EIF3I: variants seen among roughly 807,000 people sequenced by gnomAD.
EIF3I encodes the protein eukaryotic translation initiation factor 3 subunit I, also known as TGF-beta receptor-interacting protein 1.
In EIF3I, 20 loss-of-function variants were observed where a neutral mutation model predicts 43.3. The ratio of observed to expected loss-of-function variants is 0.46; its 90% confidence interval spans 0.32 to 0.67. EIF3I has a LOEUF of 0.67. EIF3I is among the 30% of genes least tolerant of loss of function. The pLI, the probability that EIF3I is intolerant of heterozygous loss-of-function variation, is 0.03. For synonymous variants in EIF3I, 167 were observed against 151.7 expected (o/e 1.10, Z -0.74); for missense variants, 279 against 421.4 (o/e 0.66, Z 2.96).
In EIF3I at chr1:32,224,401, A is replaced by G. The variant is rs1201680027; in HGVS notation, c.185-9A>G. ...GTGAACTTCGTCATATTTCTTAACA[A>G]CTCTTCAGGGGACACCAAGCATGTC... On this transcript the variant is annotated splice_polypyrimidine_tract_variant and intron_variant, in intron 3 of 11. Transcript: ENST00000676679. 1.9e-6 allele frequency: 3 copies of G among 1,612,920 alleles called. No homozygotes were observed. The highest frequency in any genetic ancestry group is 1.7e-5 in the Admixed American group (1 of 59,936).
At chr1:32,235,392 G>A (rs191083645), downstream of EIF3I, among the ~76,000 whole-genome samples, 383 of 151,318 alleles carry the variant, frequency 2.5e-3, 2 homozygotes, top group Middle Eastern at 0.024. Flanking sequence ...GTGCAGTGGT[G>A]CGATCTCAGC....
chr1:32,229,285 G>A, intron 9 of EIF3I, 77 bp downstream of exon 9: 1 of 1,494,184 alleles, frequency 6.7e-7, no homozygotes, highest in Non-Finnish European at 9.2e-7. Context: ...TTTTGAGATG[G>A]AGTCTCGCTC....
chr1:32,227,044 G>A lies in EIF3I; in HGVS notation c.528+514G>A, dbSNP rs555225765. ...GATGGGGTTTCTCCATGTTGGCCAG[G>A]CTGGTCTTGAATCCTGACCTCCTGA... On this transcript the variant is annotated intron_variant, in intron 6 of 11. Coordinates refer to ENST00000676679, the Ensembl canonical transcript of EIF3I. 9.9e-5 allele frequency among the ~76,000 whole-genome samples: 15 copies of A among 151,184 alleles called. No homozygotes were observed. The South Asian group carries it at 3.1e-3, about 32-fold the overall frequency.
intron 9 of EIF3I, among the ~76,000 whole-genome samples, chr1:32,230,097 G>A (rs1250634133): frequency 6.6e-6 from 1 of 152,100 alleles, no homozygotes; most frequent in Non-Finnish European, 1.5e-5. Flanking sequence ...ATGTTGCCCA[G>A]GCTGGCCTCG....
At chr1:32,233,488 A>T (rs1639264968), downstream of EIF3I, among the ~76,000 whole-genome samples, 1 of 150,964 alleles carries the variant, frequency 6.6e-6, no homozygotes, top group East Asian at 2.0e-4. Flanking sequence ...ATGGGGTTTT[A>T]CCATGTTGGC....
At chr1:32,227,142 G>A (rs2124264125) in intron 6 of EIF3I, among the ~76,000 whole-genome samples, 1 of 151,722 alleles carries the variant, frequency 6.6e-6, no homozygotes, top group East Asian at 1.9e-4. Context: ...GCTGTATGCT[G>A]TGGCTCACAT....
exon 5 of EIF3I, chr1:32,226,200 T>A: frequency 6.2e-7 from 1 of 1,614,058 alleles, no homozygotes; most frequent in South Asian, 1.1e-5. Context: ...CAAGACCAAT[T>A]CGGCTGTCCG....
At chr1:32,224,517 C>A (rs777898211) in intron 4 of EIF3I, 42 bp downstream of exon 4, 67 of 1,482,262 alleles carry the variant, frequency 4.5e-5, no homozygotes, top group South Asian at 4.2e-4. Context: ...TATTGAGGAC[C>A]TACAGTGTAC....
chr1:32,224,360 G>A (rs374204893), intron 3 of EIF3I, 50 bp from the exon 4 acceptor site: 64 of 1,527,050 alleles, frequency 4.2e-5, no homozygotes, highest in Non-Finnish European at 5.7e-5. Flanking sequence ...GGCATCCCAA[G>A]AGGACAAGGG....
chr1:32,226,489 G>A (rs12085186), exon 6 of EIF3I: 38 of 1,590,932 alleles, frequency 2.4e-5, no homozygotes, highest in Middle Eastern at 1.7e-4. Flanking sequence ...GTGCATCATC[G>A]CTGGCCATGA....
Position 32,226,345 on chromosome 1 carries a change from G to T in EIF3I, c.400+25G>T, listed in dbSNP as rs76933339. ...GGTGAGGGCTGGGAATAGGGCTGGG[G>T]TTGAGGTAAAGGGTACAGTTCTAGA... On this transcript the variant is annotated intron_variant, in intron 5 of 11. Transcript: ENST00000676679. 1,992 of 1,614,046 alleles carry T rather than the reference G, an allele frequency of 1.2e-3. 24 individuals carry two copies. The African/African-American group carries it at 0.024, about 19-fold the overall frequency.
downstream of EIF3I, chr1:32,231,499 AAAAAG>A: frequency 8.0e-6 from 2 of 250,886 alleles, no homozygotes; most frequent in Non-Finnish European, 1.5e-5. Flanking sequence ...CTCAAAAAAA[AAAAAG>A]AAGAAGGTGG....
chr1:32,228,781 G>T, exon 8 of EIF3I: 1 of 1,614,132 alleles, frequency 6.2e-7, no homozygotes, highest in Non-Finnish European at 8.5e-7. Context: ...AGAACGTCCT[G>T]TCAACTCAGC....
At chr1:32,226,790 G>A (rs190063721) in intron 6 of EIF3I, among the ~76,000 whole-genome samples, 52 of 140,314 alleles carry the variant, frequency 3.7e-4, no homozygotes, top group Admixed American at 2.7e-3. Context: ...GTCTGGTCAC[G>A]AACTCCTGAC....
chr1:32,230,148 A>G (rs1639213595), intron 9 of EIF3I, among the ~76,000 whole-genome samples: 1 of 148,160 alleles, frequency 6.7e-6, no homozygotes, highest in Admixed American at 6.7e-5. Flanking sequence ...CAGCCTCCCA[A>G]AGTGCTGGGA....
chr1:32,228,600 C>G, exon 7 of EIF3I: 6 of 1,614,184 alleles, frequency 3.7e-6, no homozygotes, highest in Non-Finnish European at 5.1e-6. Flanking sequence ...CCAAGGACAA[C>G]ACAGCCAAGG....
chr1:32,229,257 T>C lies in EIF3I; in HGVS notation c.803+49T>C, dbSNP rs552844190. ...AAATTAAAATCTCATGTGGTGTACC[T>C]TTTTTGTTTGTTTTTGTTTTTGAGA... On this transcript the variant is annotated intron_variant, in intron 9 of 11. Transcript: ENST00000676679. The C allele has an allele frequency of 1.2e-4, 186 of 1,586,916 alleles. 1 individual carries two copies. In the African/African-American group the frequency reaches 2.3e-3, roughly 20 times the overall value.
downstream of EIF3I, chr1:32,232,296 C>G (rs1049079141): frequency 6.6e-6 from 1 of 152,114 alleles, no homozygotes; most frequent in African/African-American, 2.4e-5. Context: ...ATAACCTTTA[C>G]TTTTCTCCTT....
At chr1:32,235,808 C>T (rs978718190), downstream of EIF3I, among the ~76,000 whole-genome samples, 1 of 152,198 alleles carries the variant, frequency 6.6e-6, no homozygotes, top group African/African-American at 2.4e-5. Context: ...ACATAGCATT[C>T]CCTGGGGAGC....
Sources: allele counts gnomAD v4.1 joint callset (sites outside exome capture counted in the v4.1 genomes callset), GRCh38; gene constraint gnomAD v4.1.1; transcripts MANE v1.5; gene names NCBI Gene and HGNC (gene_info 2026-07-23, HGNC 2026-07-21).